The following ANKDD1B variants were observed in gnomAD, a reference collection of about 807,000 sequenced individuals.
ANKDD1B encodes ankyrin repeat and death domain containing 1B, also known as ankyrin repeat and death domain-containing protein 1B.
Under a neutral mutation model 59.7 loss-of-function variants are expected in ANKDD1B, and 57 were observed. The observed-to-expected ratio is 0.95, with a 90% CI of 0.77 to 1.19. The LOEUF is 1.19. ANKDD1B is among the 50% of genes most tolerant of loss of function. The probability of loss-of-function intolerance (pLI) is 0.00; values close to 1 mark genes in which losing one functional copy is unlikely to be tolerated. For missense variants in ANKDD1B, 602 were observed against 641.9 expected, an observed-to-expected ratio of 0.94 and a Z score of 0.67; for synonymous variants, 216 against 239.5, an observed-to-expected ratio of 0.90 and a Z score of 0.91.
intron 3 of ANKDD1B, among the ~76,000 whole-genome samples, chr5:75,623,019 T>C (rs1018774702): frequency 4.6e-5 from 7 of 152,202 alleles, no homozygotes; most frequent in African/African-American, 1.4e-4. Context: ...AATTACCTTT[T>C]AGGGAAAAAT....
intron 7 of ANKDD1B, among the ~76,000 whole-genome samples, chr5:75,650,485 C>G (rs572682778): frequency 1.3e-5 from 2 of 152,058 alleles, no homozygotes; most frequent in African/African-American, 4.8e-5. Flanking sequence ...TTTTTTTAGC[C>G]CAGTGGGATC....
At chr5:75,622,570 G>A (rs1053034799) in intron 3 of ANKDD1B, among the ~76,000 whole-genome samples, 9 of 152,154 alleles carry the variant, frequency 5.9e-5, no homozygotes, top group Non-Finnish European at 1.3e-4. Context: ...ATCCCAGGTG[G>A]GTGCAAGTGG....
At chr5:75,641,085 G>A (rs1363078896) in intron 7 of ANKDD1B, among the ~76,000 whole-genome samples, 1 of 152,220 alleles carries the variant, frequency 6.6e-6, no homozygotes, top group Non-Finnish European at 1.5e-5. Context: ...GCCTGGTGCA[G>A]GAAGAAGGAA....
chr5:75,651,862 G>A (rs60609097), intron 7 of ANKDD1B, among the ~76,000 whole-genome samples: 14,101 of 152,236 alleles, frequency 0.093, 1,595 homozygotes, highest in African/African-American at 0.27. Context: ...AGATCAGGGT[G>A]CTAGCAGATC....
At chr5:75,649,053 C>A (rs368968401) in intron 7 of ANKDD1B, among the ~76,000 whole-genome samples, 137 of 152,258 alleles carry the variant, frequency 9.0e-4, no homozygotes, top group African/African-American at 3.1e-3. Flanking sequence ...ATTAGGGCAA[C>A]AGGCTCTCTT....
chr5:75,669,017 C>T (rs1256451850), intron 12 of ANKDD1B, among the ~76,000 whole-genome samples: 1 of 152,236 alleles, frequency 6.6e-6, no homozygotes. Flanking sequence ...GCTGTCCTCT[C>T]TCTTGTACAC....
In ANKDD1B at chr5:75,616,897, T is replaced by C. The variant is rs865943535; in HGVS notation, c.287T>C (p.Val96Ala). ...KLFEKKVNIN[V>A]VNNMNRTALH... ...TTTGAAAAGAAGGTTAACATTAATG[T>C]TGTGAACAATGTGAGTAGAAGTCAT... Residue 96 changes from valine to alanine, a missense_variant, in exon 2 of 14, where the codon GTT becomes GCT. Around this residue, in one of 3 missense-constraint regions of ANKDD1B, gnomAD observed 317 missense variants for 304.6 expected, o/e 1.04. Transcript: ENST00000601380. 6.7e-7 allele frequency: 1 copy of C among 1,499,914 alleles called. No homozygotes were observed. Among genetic ancestry groups the C allele is most frequent in the Non-Finnish European group, 9.0e-7 (1 of 1,114,816 alleles). 92.9% of individuals were successfully genotyped at this position (1,499,914 alleles called of 1,614,324 possible).
chr5:75,657,524 TACAG>T (rs1304838018), intron 9 of ANKDD1B, among the ~76,000 whole-genome samples: 1 of 152,188 alleles, frequency 6.6e-6, no homozygotes, highest in Non-Finnish European at 1.5e-5. Flanking sequence ...TCCATGTTGG[TACAG>T]ATCTTTGATA....
In ANKDD1B at chr5:75,611,764, TC is replaced by T. The variant is rs1773564282; in HGVS notation, c.133del (p.Arg45GlyfsTer53). ...GGCCGCCCTGCCTTGGAGGAGCCTG[TC>T]CCGGATCCCGAAGCGGGAGGGTCTT... The part of the protein sequence containing the change: ...GAAALPWRSL[S>X]RIPKREGLGE... On this transcript the variant is annotated frameshift_variant, in exon 1 of 14. Coordinates refer to ENST00000601380, the MANE Select transcript of ANKDD1B (RefSeq NM_001276713.2). LOFTEE classifies it high-confidence loss of function. 1.4e-5 allele frequency: 17 copies of T among 1,231,940 alleles called. No individual in the cohort carries two copies. The South Asian group carries it at 6.2e-4, about 45-fold the overall frequency. The allele number at this position is 1,231,940 out of a possible 1,614,324, so 76.3% of individuals were successfully genotyped here. A position where few individuals can be genotyped will look rare whatever the true frequency, so the allele number is the denominator to read the frequency against.
At chr5:75,634,800 GA>G in intron 5 of ANKDD1B, 97 bp from the exon 6 acceptor site, 2 of 735,896 alleles carry the variant, frequency 2.7e-6, no homozygotes, top group Non-Finnish European at 4.5e-6. Context: ...GGCCATCTTG[GA>G]CTCCCCATCA....
In ANKDD1B at chr5:75,611,847, C is replaced by G; in HGVS notation, c.193+20C>G. The G allele has an allele frequency of 8.1e-7, 1 of 1,231,812 alleles. No homozygotes were observed. The highest frequency in any genetic ancestry group is 1.5e-5 in the African/African-American group (1 of 64,540). The allele number at this position is 1,231,812 out of a possible 1,614,324, so 76.3% of individuals were successfully genotyped here. ...AGCTCCGTGAGTCCCGGGACGAGGTCTCAGAAAATCAGGCTGCGGGGCGGG... is the reference window on the plus strand; with the variant it reads ...AGCTCCGTGAGTCCCGGGACGAGGTGTCAGAAAATCAGGCTGCGGGGCGGG... On this transcript the variant is annotated intron_variant, in intron 1 of 13. Coordinates refer to ENST00000601380, the MANE Select transcript of ANKDD1B (RefSeq NM_001276713.2).
intron 3 of ANKDD1B, among the ~76,000 whole-genome samples, chr5:75,622,964 G>C (rs1473716631): frequency 6.6e-6 from 1 of 152,150 alleles, no homozygotes; most frequent in African/African-American, 2.4e-5. Context: ...TAGATTTTAT[G>C]ATCGGAGCTT....
At chr5:75,655,621 C>G (rs1028919398) in intron 8 of ANKDD1B, among the ~76,000 whole-genome samples, 2 of 152,146 alleles carry the variant, frequency 1.3e-5, no homozygotes, top group Admixed American at 6.5e-5. Context: ...GTCAGCCTTC[C>G]CCCTATCCCC....
intron 3 of ANKDD1B, among the ~76,000 whole-genome samples, chr5:75,624,568 A>G (rs1773940311): frequency 6.6e-6 from 1 of 152,238 alleles, no homozygotes; most frequent in Non-Finnish European, 1.5e-5. Context: ...CACACAGACA[A>G]ATCTAAATAA....
rs538646945 is a variant in ANKDD1B, at chr5:75,638,623, G to A, written c.798+2741G>A. 2.6e-5 allele frequency among the ~76,000 whole-genome samples: 4 copies of A among 152,172 alleles called. No homozygotes were observed. In the East Asian group the frequency reaches 7.7e-4, roughly 29 times the overall value. On this transcript the variant is annotated intron_variant, in intron 7 of 13. Coordinates refer to ENST00000601380, the MANE Select transcript of ANKDD1B (RefSeq NM_001276713.2). ...AAGATAAAAAATAAATAGCAGTTTT[G>A]TATTTTCTCTAAACTCAAAGAATTA... is the stretch of plus-strand genomic sequence containing the variant.
chr5:75,636,181 T>C (rs1409736655), intron 7 of ANKDD1B, among the ~76,000 whole-genome samples: 2 of 152,210 alleles, frequency 1.3e-5, no homozygotes, highest in African/African-American at 4.8e-5. Context: ...ACAAATAATG[T>C]ATTGGGCTAC....
chr5:75,662,359 G>A (rs1554070081), intron 10 of ANKDD1B, among the ~76,000 whole-genome samples: 1 of 152,114 alleles, frequency 6.6e-6, no homozygotes, highest in Non-Finnish European at 1.5e-5. Flanking sequence ...GCTCCCCTGG[G>A]TCTTAGTGCC....
intron 1 of ANKDD1B, 52 bp from the exon 2 acceptor site, chr5:75,616,752 C>T (rs1773726495): frequency 1.2e-6 from 1 of 825,866 alleles, no homozygotes. Context: ...AATATGCTTT[C>T]TCTTTGGCCT....
At position 75,670,987 on chromosome 5, in the gene ANKDD1B, C is replaced by T. The variant is rs1247317796; in HGVS notation, c.1534C>T (p.Arg512Cys). 10 of 1,225,064 alleles carry T rather than the reference C, an allele frequency of 8.2e-6. No homozygotes were observed. The highest frequency in any genetic ancestry group is 4.2e-5 in the Admixed American group (1 of 23,666). The allele number at this position is 1,225,064 out of a possible 1,614,324, so 75.9% of individuals were successfully genotyped here. The change falls in exon 14 of 14, where the codon CGT (arginine) becomes TGT (cysteine). Residue 512 changes from arginine (R) to cysteine (C), a missense_variant. Around this residue, in one of 3 missense-constraint regions of ANKDD1B, gnomAD observed 280 missense variants for 319.8 expected, o/e 0.88. Coordinates refer to ENST00000601380, the MANE Select transcript of ANKDD1B (RefSeq NM_001276713.2). ...TATCTTATTTTTTCCAGAAAAGACTCGTCATTTCAAAAGCAAAACTGACTC... is the reference window on the plus strand; with the variant it reads ...TATCTTATTTTTTCCAGAAAAGACTTGTCATTTCAAAAGCAAAACTGACTC... ...AGFPKLAEKTRHFKSKTDSNS... is the reference protein window; with the variant it reads ...AGFPKLAEKTCHFKSKTDSNS...
Sources: allele counts gnomAD v4.1 joint callset (sites outside exome capture counted in the v4.1 genomes callset), GRCh38; gene constraint gnomAD v4.1.1; regional missense constraint gnomAD v4.1.1; transcripts MANE v1.5; gene names NCBI Gene and HGNC (gene_info 2026-07-23, HGNC 2026-07-21).